Variants in SLC25A21 observed in about 807,000 individuals in gnomAD.
The protein encoded by SLC25A21 is solute carrier family 25 member 21, also known as mitochondrial 2-oxodicarboxylate carrier.
Under a neutral mutation model 43.8 loss-of-function variants are expected in SLC25A21, and 47 were observed. That is an observed-to-expected ratio of 1.07 (90% CI 0.85 to 1.37). The LOEUF is 1.37. SLC25A21 is among the 40% of genes most tolerant of loss of function. The pLI, the probability that SLC25A21 is intolerant of heterozygous loss-of-function variation, is 0.00. For missense variants in SLC25A21, 352 were observed against 350.2 expected (o/e 1.00, Z -0.04); for synonymous variants, 131 against 121.3 (o/e 1.08, Z -0.52).
intron 1 of SLC25A21, among the ~76,000 whole-genome samples, chr14:36,915,683 T>A (rs973894251): frequency 6.6e-6 from 1 of 152,142 alleles, no homozygotes; most frequent in South Asian, 2.1e-4. Context: ...TGCTGTGACA[T>A]CCTAGAGGTA....
chr14:37,118,334 T>G (rs1374544055), intron 1 of SLC25A21, among the ~76,000 whole-genome samples: 2 of 151,998 alleles, frequency 1.3e-5, no homozygotes, highest in Non-Finnish European at 1.5e-5. Flanking sequence ...AAGACCATTT[T>G]CCACAGCTCT....
chr14:36,947,796 C>G (rs2138657519), intron 1 of SLC25A21, among the ~76,000 whole-genome samples: 1 of 152,168 alleles, frequency 6.6e-6, no homozygotes, highest in East Asian at 1.9e-4. Flanking sequence ...GAAAGCATCT[C>G]AGGTTTTATT....
intron 1 of SLC25A21, among the ~76,000 whole-genome samples, chr14:37,074,235 A>T (rs1962232894): frequency 6.6e-6 from 1 of 152,120 alleles, no homozygotes; most frequent in Non-Finnish European, 1.5e-5. Context: ...CTGTTTTTAT[A>T]CAATAGTTTG....
intron 1 of SLC25A21, among the ~76,000 whole-genome samples, chr14:36,885,448 T>C (rs1304632900): frequency 6.6e-6 from 1 of 152,222 alleles, no homozygotes; most frequent in African/African-American, 2.4e-5. Flanking sequence ...ATTCAGGGTC[T>C]TCTGTGGTTC....
At chr14:37,165,654 G>C (rs1210244016) in intron 1 of SLC25A21, among the ~76,000 whole-genome samples, 2 of 152,130 alleles carry the variant, frequency 1.3e-5, no homozygotes, top group African/African-American at 4.8e-5. Flanking sequence ...GAGGAAGCCT[G>C]ACAGGTCCTA....
chr14:37,143,868 A>G (rs1025614323), intron 1 of SLC25A21, among the ~76,000 whole-genome samples: 5 of 152,232 alleles, frequency 3.3e-5, no homozygotes, highest in Non-Finnish European at 7.3e-5. Context: ...ATCTATCAAA[A>G]GCAGTTAAAT....
chr14:37,029,980 G>A (rs566973402), intron 1 of SLC25A21, among the ~76,000 whole-genome samples: 2 of 151,902 alleles, frequency 1.3e-5, no homozygotes, highest in African/African-American at 4.8e-5. Flanking sequence ...GTCCAGGCTG[G>A]TCTCAAACTC....
At chr14:37,127,175 G>A (rs563795598) in intron 1 of SLC25A21, among the ~76,000 whole-genome samples, 2 of 152,270 alleles carry the variant, frequency 1.3e-5, no homozygotes, top group East Asian at 1.9e-4. Flanking sequence ...CCCCAAGCAT[G>A]TCACAAACAT....
Position 36,959,389 on chromosome 14 carries a change from T to C in SLC25A21, c.71-84385A>G, listed in dbSNP as rs549656061. ...AACCCCAGGAAATGTCTTTAAACAT[T>C]CTAATCCCCAGTACTCTCCCACTGA... is the stretch of plus-strand genomic sequence containing the variant. On this transcript the variant is annotated intron_variant, in intron 1 of 9. Coordinates refer to ENST00000331299, the MANE Select transcript of SLC25A21 (RefSeq NM_030631.4). 2.0e-5 allele frequency among the ~76,000 whole-genome samples: 3 copies of C among 152,278 alleles called. No homozygotes were observed. The South Asian group carries it at 6.2e-4, about 32-fold the overall frequency.
intron 1 of SLC25A21, among the ~76,000 whole-genome samples, chr14:37,008,638 G>T (rs17105938): frequency 0.1 from 15,520 of 152,082 alleles, 2,650 homozygotes; most frequent in African/African-American, 0.35. Flanking sequence ...TTAACCACCT[G>T]GTATAATGCA....
chr14:36,877,112 C>T (rs141319796), intron 1 of SLC25A21, among the ~76,000 whole-genome samples: 2 of 152,046 alleles, frequency 1.3e-5, no homozygotes, highest in South Asian at 2.1e-4. Context: ...TGCACTTCCA[C>T]GCACATAAGG....
intron 1 of SLC25A21, among the ~76,000 whole-genome samples, chr14:37,158,635 C>T (rs1419609963): frequency 2.0e-5 from 3 of 152,058 alleles, no homozygotes; most frequent in Non-Finnish European, 4.4e-5. Flanking sequence ...TACTGAATAG[C>T]AGAAAGTTAA....
intron 1 of SLC25A21, among the ~76,000 whole-genome samples, chr14:36,896,570 T>G (rs575675408): frequency 3.3e-5 from 5 of 152,308 alleles, no homozygotes; most frequent in African/African-American, 1.2e-4. Context: ...GTGAGTTTCA[T>G]CCATGTCATT....
intron 1 of SLC25A21, among the ~76,000 whole-genome samples, chr14:36,931,437 A>C (rs1051879744): frequency 6.6e-6 from 1 of 152,148 alleles, no homozygotes; most frequent in Admixed American, 6.6e-5. Context: ...AGAGAAATGG[A>C]GAGCATTTGG....
chr14:37,035,921 G>A (rs2138775557), intron 1 of SLC25A21, among the ~76,000 whole-genome samples: 1 of 152,318 alleles, frequency 6.6e-6, no homozygotes, highest in East Asian at 1.9e-4. Context: ...CCACCAGCAA[G>A]TAAGGTTGTT....
intron 3 of SLC25A21, among the ~76,000 whole-genome samples, chr14:36,752,466 A>G (rs897492951): frequency 6.6e-6 from 1 of 152,224 alleles, no homozygotes; most frequent in African/African-American, 2.4e-5. Flanking sequence ...TAACAGCATT[A>G]TTCACAATAG....
At chr14:36,955,464 T>C (rs1402216750) in intron 1 of SLC25A21, among the ~76,000 whole-genome samples, 1 of 152,182 alleles carries the variant, frequency 6.6e-6, no homozygotes, top group African/African-American at 2.4e-5. Flanking sequence ...GAAAGGACAC[T>C]TGGGGACAAG....
At chr14:37,147,401 T>C (rs1247629587) in intron 1 of SLC25A21, among the ~76,000 whole-genome samples, 2 of 152,176 alleles carry the variant, frequency 1.3e-5, no homozygotes, top group East Asian at 3.9e-4. Flanking sequence ...CCTGGTCTTG[T>C]CTGTCACCCT....
chr14:36,832,983 A>G (rs1278055919), intron 2 of SLC25A21, among the ~76,000 whole-genome samples: 2 of 152,226 alleles, frequency 1.3e-5, no homozygotes, highest in Non-Finnish European at 2.9e-5. Context: ...AATTGGAAAA[A>G]AAACCTGGAT....
Sources: gnomAD v4.1 joint callset for allele counts (sites outside exome capture counted in the v4.1 genomes callset) on GRCh38, gnomAD v4.1.1 for gene constraint, MANE v1.5 for transcripts, NCBI Gene and HGNC (gene_info 2026-07-23, HGNC 2026-07-21) for gene names.